SLC25A37: variants seen among roughly 807,000 people sequenced by gnomAD.
SLC25A37 encodes mitoferrin-1.
A neutral mutation model predicts 31.0 loss-of-function variants in SLC25A37; 17 were observed. The observed-to-expected ratio is 0.55, with a 90% CI of 0.38 to 0.82. The LOEUF is 0.82. Among genes scored for constraint, SLC25A37 ranks in the 40% least tolerant of loss-of-function variants. The probability of loss-of-function intolerance (pLI) is 0.00; values close to 1 mark genes in which losing one functional copy is unlikely to be tolerated. For missense variants in SLC25A37, 404 were observed against 465.8 expected (o/e 0.87, Z 1.22); for synonymous variants, 222 against 193.0 (o/e 1.15, Z -1.24).
At position 23,529,335 on chromosome 8, in the gene SLC25A37, G is replaced by A. The variant is rs1315422286; in HGVS notation, c.210+123G>A. Reference sequence around the variant, plus strand: ...AAACCGAGCTCTCCCCAGGACCGCGGCTGGCCGGGGTCGCCCCAGGAGCAG... The same window carrying A: ...AAACCGAGCTCTCCCCAGGACCGCGACTGGCCGGGGTCGCCCCAGGAGCAG... On this transcript the variant is annotated intron_variant, in intron 1 of 3. Coordinates refer to ENST00000519973, the MANE Select transcript of SLC25A37 (RefSeq NM_016612.4). This position sits in a 1 kb window ranked among gnomAD's most constrained non-coding sequence, Gnocchi z 4.1. 3.2e-6 allele frequency: 3 copies of A among 931,480 alleles called. No individual in the cohort carries two copies. The highest frequency in any genetic ancestry group is 4.5e-6 in the Non-Finnish European group (3 of 671,110). The allele number at this position is 931,480 out of a possible 1,614,324, so 57.7% of individuals were successfully genotyped here.
intron 1 of SLC25A37, among the ~76,000 whole-genome samples, chr8:23,564,590 C>T (rs1273414609): frequency 2.0e-5 from 3 of 151,240 alleles, no homozygotes. Flanking sequence ...TTTGGTGGGA[C>T]TGAGCCATGG....
At chr8:23,539,738 T>C (rs1240073546) in intron 1 of SLC25A37, among the ~76,000 whole-genome samples, 1 of 152,260 alleles carries the variant, frequency 6.6e-6, no homozygotes, top group Non-Finnish European at 1.5e-5. Context: ...TGAATGGCTC[T>C]TGCAAACCTT....
In SLC25A37 at chr8:23,529,117, C is replaced by A; in HGVS notation, c.115C>A (p.Leu39Met). The change falls in exon 1 of 4, where the codon CTG becomes ATG. Residue 39 changes from leucine (L) to methionine (M), a missense_variant. Leu to Met is a conservative substitution (Grantham distance 15). Transcript: ENST00000519973. The surrounding 1 kb of genome is among the most constrained non-coding windows in gnomAD (Gnocchi z 4.1). ...CACCGGGTCGGAGGACTACGAGAAC[C>A]TGCCGACTAGCGCCTCCGTGTCCAC... ...DATGSEDYENLPTSASVSTHM... is the reference protein window; with the variant it reads ...DATGSEDYENMPTSASVSTHM... 1 of 1,611,170 alleles carries A rather than the reference C, an allele frequency of 6.2e-7. No homozygotes were observed.
intron 3 of SLC25A37, 169 bp downstream of exon 3, chr8:23,568,547 A>G (rs1474767877): frequency 4.2e-6 from 3 of 721,108 alleles, no homozygotes; most frequent in East Asian, 5.1e-5. Context: ...GCCTCAAGAA[A>G]GGACGTGAAC....
chr8:23,534,208 C>G (rs577474737), intron 1 of SLC25A37, among the ~76,000 whole-genome samples: 1 of 152,174 alleles, frequency 6.6e-6, no homozygotes, highest in Admixed American at 6.5e-5. Context: ...CCACCTTGGC[C>G]TTCCAAAGTG....
At chr8:23,545,315 T>C (rs1802006393) in intron 1 of SLC25A37, among the ~76,000 whole-genome samples, 1 of 152,250 alleles carries the variant, frequency 6.6e-6, no homozygotes, top group South Asian at 2.1e-4. Context: ...CTGTCCTCTC[T>C]CTTTCCTTGT....
chr8:23,545,973 A>G (rs2117406328), intron 1 of SLC25A37, among the ~76,000 whole-genome samples: 1 of 152,274 alleles, frequency 6.6e-6, no homozygotes, highest in African/African-American at 2.4e-5. Flanking sequence ...CGTCTCAACT[A>G]AAAATACAAA....
rs1221194332 is a variant in SLC25A37 at position 23,538,397 on chromosome 8, A to C, written c.210+9185A>C. On this transcript the variant is annotated intron_variant, in intron 1 of 3. Coordinates refer to ENST00000519973, the MANE Select transcript of SLC25A37 (RefSeq NM_016612.4). ...CTTCATCTCAAAAAAAAAAAAAAAA[A>C]AAAAAAAAACCAGAAAAAAAAACTT... Among the ~76,000 whole-genome samples, 15 of 143,654 alleles carry C rather than the reference A, an allele frequency of 1.0e-4. 4 individuals carry two copies. The highest frequency in any genetic ancestry group is 2.0e-4 in the Non-Finnish European group (13 of 64,738). The allele number at this position is 143,654 out of a possible 152,430, so 94.2% of individuals were successfully genotyped here.
rs771763741 is a variant in SLC25A37, at chr8:23,571,673, C to A, written c.835C>A (p.Leu279Met). ...CTCGCTGGCCAACATCAGCGGCCGG[C>A]TGTCGGGTATGGCCAATGCCTTCCG... ...ALSLANISGR[L>M]SGMANAFRTV... Residue 279 changes from leucine to methionine, a missense_variant, in exon 4 of 4, where the codon CTG becomes ATG. Physicochemically the swap from Leu to Met is conservative, Grantham distance 15. Around this residue, in one of 3 missense-constraint regions of SLC25A37, gnomAD observed 243 missense variants for 284.4 expected, o/e 0.85. Transcript: ENST00000519973. 3.7e-6 allele frequency: 6 copies of A among 1,613,912 alleles called. No individual in the cohort carries two copies. Among genetic ancestry groups the A allele is most frequent in the Non-Finnish European group, 5.1e-6 (6 of 1,179,902 alleles).
At chr8:23,564,428 A>G (rs1802596043) in intron 1 of SLC25A37, among the ~76,000 whole-genome samples, 1 of 149,544 alleles carries the variant, frequency 6.7e-6, no homozygotes, top group Non-Finnish European at 1.5e-5. Flanking sequence ...TACCCCTGCC[A>G]AAAGTTGAAA....
At chr8:23,566,010 A>T (rs1802641656) in intron 1 of SLC25A37, 98 bp from the exon 2 acceptor site, 1 of 1,436,418 alleles carries the variant, frequency 7.0e-7, no homozygotes, top group Non-Finnish European at 9.1e-7. Context: ...AAACTATGAC[A>T]TTGTTTTTCT....
chr8:23,573,713 C>T lies in SLC25A37; in HGVS notation c.*1858C>T, dbSNP rs1404740521. On this transcript the variant is annotated 3_prime_UTR_variant, in exon 4 of 4. Transcript: ENST00000519973. ...TTTTCAGATCAGGGATGGGAAAGAG[C>T]CAAACTGGGTACCTCCCACGTGTGC... The T allele has an allele frequency of 1.8e-5, 8 of 438,286 alleles. No homozygotes were observed. The highest frequency in any genetic ancestry group is 4.9e-5 in the Admixed American group (2 of 41,230). The allele number at this position is 438,286 out of a possible 1,614,324, so 27.1% of individuals were successfully genotyped here. A position where few individuals can be genotyped will look rare whatever the true frequency, so the allele number is the denominator to read the frequency against.
Position 23,572,010 on chromosome 8 carries a change from C to A in SLC25A37, c.*155C>A. On this transcript the variant is annotated 3_prime_UTR_variant, in exon 4 of 4. Coordinates refer to ENST00000519973, the MANE Select transcript of SLC25A37 (RefSeq NM_016612.4). ...TAGAGAGAGGAGGGGACGGCACGGC[C>A]GCTCACCGGAAGGCTGTGTGCGGGG... 1.2e-6 allele frequency: 1 copy of A among 823,740 alleles called. No individual in the cohort carries two copies. The highest frequency in any genetic ancestry group is 2.7e-5 in the East Asian group (1 of 37,156). 51.0% of individuals were successfully genotyped at this position (823,740 alleles called of 1,614,324 possible).
intron 3 of SLC25A37, 98 bp downstream of exon 3, chr8:23,568,476 C>A: frequency 2.9e-6 from 4 of 1,364,616 alleles, no homozygotes; most frequent in Non-Finnish European, 4.2e-6. Context: ...GTGGGCAGAG[C>A]GGCTCCTAGT....
At chr8:23,557,861 G>C (rs1213009065) in intron 1 of SLC25A37, among the ~76,000 whole-genome samples, 1 of 152,208 alleles carries the variant, frequency 6.6e-6, no homozygotes, top group African/African-American at 2.4e-5. Context: ...GGCAGCAGAG[G>C]CTAACATTTG....
At chr8:23,546,568 A>AGG (rs1178734863) in intron 1 of SLC25A37, among the ~76,000 whole-genome samples, 5 of 107,816 alleles carry the variant, frequency 4.6e-5, no homozygotes, top group African/African-American at 1.8e-4. Flanking sequence ...ATATATATAT[A>AGG]TATATATATA....
At chr8:23,540,511 G>A (rs1282261811) in intron 1 of SLC25A37, among the ~76,000 whole-genome samples, 3 of 152,196 alleles carry the variant, frequency 2.0e-5, no homozygotes, top group Non-Finnish European at 2.9e-5. Flanking sequence ...CTTTGGGCAA[G>A]TACTCCAGCA....
At chr8:23,547,079 C>G (rs1802089192) in intron 1 of SLC25A37, among the ~76,000 whole-genome samples, 1 of 152,114 alleles carries the variant, frequency 6.6e-6, no homozygotes, top group Admixed American at 6.5e-5. Flanking sequence ...TGCATTTTTT[C>G]TGATAAATCA....
At chr8:23,556,632 A>ATG (rs1320117997) in intron 1 of SLC25A37, among the ~76,000 whole-genome samples, 14 of 151,976 alleles carry the variant, frequency 9.2e-5, no homozygotes, top group Non-Finnish European at 1.8e-4. Context: ...ATGTGTGTAT[A>ATG]TATGTGTGTG....
Sources: gnomAD v4.1 joint callset for allele counts (sites outside exome capture counted in the v4.1 genomes callset) on GRCh38, gnomAD v4.1.1 for gene constraint, gnomAD v4.1.1 regional missense constraint, Gnocchi (gnomAD v3.1) non-coding constraint, MANE v1.5 for transcripts, NCBI Gene and HGNC (gene_info 2026-07-23, HGNC 2026-07-21) for gene names.